The following ADGRE1 variants were observed in gnomAD, a reference collection of about 807,000 sequenced individuals.
ADGRE1 encodes the protein EGF-like module receptor 1.
ADGRE1 carries 82 observed loss-of-function variants against 102.7 expected under a neutral mutation model. That is an observed-to-expected ratio of 0.80 (90% CI 0.67 to 0.96). ADGRE1 has a LOEUF of 0.96. ADGRE1 is among the 40% of genes least tolerant of loss of function. The probability of loss-of-function intolerance (pLI) is 0.00; values close to 1 mark genes in which losing one functional copy is unlikely to be tolerated. For missense variants in ADGRE1, 1,032 were observed against 1,085.3 expected (o/e 0.95, Z 0.69); for synonymous variants, 398 against 399.6 (o/e 1.00, Z 0.05).
At chr19:6,909,267 T>G (rs1312710943) in intron 10 of ADGRE1, among the ~76,000 whole-genome samples, 1 of 152,236 alleles carries the variant, frequency 6.6e-6, no homozygotes, top group African/African-American at 2.4e-5. Context: ...TATAGTTTGA[T>G]GAGTTTTCTC....
chr19:6,900,418 G>C (rs968798008), intron 5 of ADGRE1, among the ~76,000 whole-genome samples: 1 of 152,170 alleles, frequency 6.6e-6, no homozygotes, highest in African/African-American at 2.4e-5. Flanking sequence ...CCAGGAGGTT[G>C]AGGCTGCAGT....
intron 16 of ADGRE1, 31 bp from the exon 17 acceptor site, chr19:6,928,114 A>G (rs777859381): frequency 6.2e-7 from 1 of 1,605,338 alleles, no homozygotes. Flanking sequence ...ACTCTGAGAC[A>G]AGCGCTGACT....
intron 14 of ADGRE1, among the ~76,000 whole-genome samples, chr19:6,922,316 T>C (rs986846664): frequency 6.6e-6 from 1 of 152,066 alleles, no homozygotes; most frequent in Non-Finnish European, 1.5e-5. Flanking sequence ...AGAAATGCTG[T>C]AAGAATTCAG....
intron 5 of ADGRE1, chr19:6,897,771 C>G (rs1973617423): frequency 3.0e-6 from 1 of 328,582 alleles, no homozygotes; most frequent in African/African-American, 2.2e-5. Flanking sequence ...ATGGTTGGGT[C>G]TTTTTAAAAA....
chr19:6,933,977 T>G (rs879508887), intron 17 of ADGRE1, among the ~76,000 whole-genome samples: 15 of 152,132 alleles, frequency 9.9e-5, no homozygotes, highest in Non-Finnish European at 1.9e-4. Flanking sequence ...CCTAACGTAC[T>G]GGATGCACTT....
chr19:6,921,703 T>G lies in ADGRE1; in HGVS notation c.1621-10T>G, dbSNP rs374180636. 106 of 1,488,242 alleles carry G rather than the reference T, an allele frequency of 7.1e-5. No homozygotes were observed. In the African/African-American group the frequency reaches 1.8e-3, roughly 25 times the overall value. The allele number at this position is 1,488,242 out of a possible 1,614,324, so 92.2% of individuals were successfully genotyped here. On this transcript the variant is annotated splice_polypyrimidine_tract_variant and intron_variant, in intron 13 of 20. Transcript: ENST00000312053. ...AGACCTTTGTTTTTTTGTTTTTTTG[T>G]TTTTTTTAGCCAAAGCAGAAGTTTG...
intron 1 of ADGRE1, 106 bp downstream of exon 1, chr19:6,887,745 G>T: frequency 8.1e-7 from 1 of 1,233,120 alleles, no homozygotes; most frequent in South Asian, 1.4e-5. Context: ...CATAAGTCCA[G>T]ACTGGATGCT....
At position 6,937,186 on chromosome 19, in the gene ADGRE1, C is replaced by T. The variant is rs528509523; in HGVS notation, c.2382-57C>T. On this transcript the variant is annotated intron_variant, in intron 18 of 20. Transcript: ENST00000312053. ...CCTCAGACCATTCCTGGAAGTGTGG[C>T]CTGCAAGGACAATAGCCACCTCCCA... 3.4e-4 allele frequency: 523 copies of T among 1,552,878 alleles called. 2 individuals carry two copies. Among genetic ancestry groups the T allele is most frequent in the Non-Finnish European group, 2.2e-4 (247 of 1,141,698 alleles).
chr19:6,890,393 G>A (rs1378876527), intron 1 of ADGRE1, 88 bp from the exon 2 acceptor site: 3 of 1,286,430 alleles, frequency 2.3e-6, no homozygotes, highest in South Asian at 1.4e-5. Flanking sequence ...GCCAAGCCAG[G>A]AGTAATTTTG....
At chr19:6,920,682 T>A (rs1359528804) in intron 13 of ADGRE1, among the ~76,000 whole-genome samples, 1 of 151,852 alleles carries the variant, frequency 6.6e-6, no homozygotes, top group Non-Finnish European at 1.5e-5. Flanking sequence ...GCTAACTTTT[T>A]TGTATTTAGT....
At chr19:6,911,744 A>G (rs1488793825) in intron 10 of ADGRE1, among the ~76,000 whole-genome samples, 3 of 151,736 alleles carry the variant, frequency 2.0e-5, no homozygotes, top group Non-Finnish European at 2.9e-5. Context: ...ACACATGCAC[A>G]CACAGTATGT....
chr19:6,935,489 G>GTT (rs1190811224), intron 18 of ADGRE1, among the ~76,000 whole-genome samples: 1 of 151,886 alleles, frequency 6.6e-6, no homozygotes, highest in African/African-American at 2.4e-5. Context: ...TGTTTTTTAT[G>GTT]GTTTTTTTTC....
intron 14 of ADGRE1, among the ~76,000 whole-genome samples, chr19:6,922,518 G>A (rs1974710577): frequency 6.6e-6 from 1 of 151,882 alleles, no homozygotes; most frequent in Admixed American, 6.6e-5. Flanking sequence ...GGGAGGCTGA[G>A]GCAGGAGAAT....
At chr19:6,923,036 C>T (rs985839263) in intron 14 of ADGRE1, among the ~76,000 whole-genome samples, 2 of 152,118 alleles carry the variant, frequency 1.3e-5, no homozygotes, top group Non-Finnish European at 2.9e-5. Flanking sequence ...GAGATCATGC[C>T]ACTGTACTCC....
rs765779971 is a variant in ADGRE1 at position 6,896,400 on chromosome 19, A to G, written c.97A>G (p.Asn33Asp). 1.2e-6 allele frequency: 2 copies of G among 1,613,832 alleles called. No individual in the cohort carries two copies. Among genetic ancestry groups the G allele is most frequent in the Non-Finnish European group, 8.5e-7 (1 of 1,179,832 alleles). The change falls in exon 3 of 21, where the codon AAT becomes GAT. Residue 33 changes from asparagine (N) to aspartate (D), a missense_variant and splice_region_variant. Physicochemically the swap from Asn to Asp is conservative, Grantham distance 23 (BLOSUM62 1). Transcript: ENST00000312053. ...ACTTTTCTTTATACACTGCCTAGGT[A>G]ATAACTGTAGAGACAGTACCTTGTG... ...RPTRKPNTKG[N>D]NCRDSTLCPA...
intron 17 of ADGRE1, among the ~76,000 whole-genome samples, chr19:6,932,190 C>T (rs138436263): frequency 1.2e-4 from 18 of 152,182 alleles, no homozygotes; most frequent in African/African-American, 3.4e-4. Flanking sequence ...AATTCTGGGC[C>T]GGGCGTGGTG....
Position 6,934,974 on chromosome 19 carries a change from C to A in ADGRE1, c.2290-13C>A. 1 of 1,562,874 alleles carries A rather than the reference C, an allele frequency of 6.4e-7. No homozygotes were observed. On this transcript the variant is annotated splice_polypyrimidine_tract_variant and intron_variant, in intron 17 of 20. Transcript: ENST00000312053. ...TATATCCAGTCTCTCCATCCTTCTG[C>A]TTGACTTTGCAGATCAACTCCCTTC...
chr19:6,913,435 C>A (rs1472283368), intron 10 of ADGRE1, among the ~76,000 whole-genome samples: 1 of 152,096 alleles, frequency 6.6e-6, no homozygotes, highest in African/African-American at 2.4e-5. Flanking sequence ...CCACCTCAGC[C>A]TCCCAAAGTG....
chr19:6,934,977 G>C lies in ADGRE1; in HGVS notation c.2290-10G>C. 3.2e-6 allele frequency: 5 copies of C among 1,566,250 alleles called. No homozygotes were observed. Among genetic ancestry groups the C allele is most frequent in the Non-Finnish European group, 3.5e-6 (4 of 1,154,674 alleles). On this transcript the variant is annotated splice_polypyrimidine_tract_variant and intron_variant, in intron 17 of 20. Coordinates refer to ENST00000312053, the MANE Select transcript of ADGRE1 (RefSeq NM_001974.5). ...ATCCAGTCTCTCCATCCTTCTGCTTGACTTTGCAGATCAACTCCCTTCTCC... is the reference window on the plus strand; with the variant it reads ...ATCCAGTCTCTCCATCCTTCTGCTTCACTTTGCAGATCAACTCCCTTCTCC...
Sources: gnomAD v4.1 joint callset for allele counts (sites outside exome capture counted in the v4.1 genomes callset) on GRCh38, gnomAD v4.1.1 for gene constraint, MANE v1.5 for transcripts, NCBI Gene and HGNC (gene_info 2026-07-23, HGNC 2026-07-21) for gene names.